Variants in ZFHX3 observed in about 807,000 individuals in gnomAD.
ZFHX3 encodes zinc finger homeobox 3.
ZFHX3 carries 42 observed loss-of-function variants against 279.1 expected under a neutral mutation model. The observed-to-expected ratio is 0.15, with a 90% CI of 0.12 to 0.19. The LOEUF (loss-of-function observed/expected upper bound fraction) is 0.19, where lower values mean the gene tolerates loss of function less well. Ranked by LOEUF, ZFHX3 falls within the 10% of genes least tolerant of loss-of-function variation. The pLI is 1.00. For synonymous variants in ZFHX3, 2,293 were observed against 1,957.8 expected, an observed-to-expected ratio of 1.17 and a Z score of -4.52; for missense variants, 4,981 against 4,754.0, an observed-to-expected ratio of 1.05 and a Z score of -1.40.
chr16:73,863,265 G>A lies in ZFHX3; in HGVS notation c.-1608+28386C>T, dbSNP rs560547849. On this transcript the variant is annotated intron_variant, in intron 1 of 17. Transcript: ENST00000641206. ...AGTAGAAGCAGTCCCTAGAGGAATG[G>A]GGTATTGAAAGTGAAGCTTTAATAG... Among the ~76,000 whole-genome samples, 217 of 152,226 alleles carry A rather than the reference G, an allele frequency of 1.4e-3. 1 individual carries two copies. Among genetic ancestry groups the A allele is most frequent in the Non-Finnish European group, 2.7e-3 (183 of 67,998 alleles).
At chr16:73,849,892 C>A (rs951476646) in intron 1 of ZFHX3, among the ~76,000 whole-genome samples, 3 of 152,148 alleles carry the variant, frequency 2.0e-5, no homozygotes, top group Non-Finnish European at 4.4e-5. Flanking sequence ...GCCACCATGC[C>A]CGGCTAATTT....
chr16:72,973,114 G>A (rs145236036), intron 1 of ZFHX3, among the ~76,000 whole-genome samples: 134 of 152,258 alleles, frequency 8.8e-4, no homozygotes, highest in African/African-American at 2.7e-3. Context: ...CATACTTTCA[G>A]AAGACCAGAA....
At chr16:73,644,372 G>C (rs1322358578) in intron 2 of ZFHX3, among the ~76,000 whole-genome samples, 2 of 152,002 alleles carry the variant, frequency 1.3e-5, no homozygotes, top group African/African-American at 4.8e-5. Flanking sequence ...GAAAGCAGCA[G>C]TTTCCAGCTG....
intron 5 of ZFHX3, among the ~76,000 whole-genome samples, chr16:73,240,998 G>A (rs977993576): frequency 3.9e-5 from 6 of 152,204 alleles, no homozygotes; most frequent in African/African-American, 1.4e-4. Flanking sequence ...CTCACCAGAA[G>A]TTGTCTAACT....
intron 2 of ZFHX3, among the ~76,000 whole-genome samples, chr16:73,527,314 A>G (rs1597370224): frequency 7.2e-5 from 11 of 152,214 alleles, no homozygotes; most frequent in Admixed American, 7.2e-4. Flanking sequence ...TTTACCTTGC[A>G]TTCTGTCAAA....
chr16:73,764,586 A>C (rs1352123045), intron 1 of ZFHX3, among the ~76,000 whole-genome samples: 1 of 152,176 alleles, frequency 6.6e-6, no homozygotes, highest in Non-Finnish European at 1.5e-5. Context: ...CAGCCAATAC[A>C]AAAGGGAATG....
intron 3 of ZFHX3, among the ~76,000 whole-genome samples, chr16:73,428,061 T>C (rs2017843478): frequency 6.6e-6 from 1 of 152,056 alleles, no homozygotes. Flanking sequence ...ACACACATAT[T>C]ATTTGGGAGG....
In ZFHX3 at chr16:73,193,538, A is replaced by C. The variant is rs144041879; in HGVS notation, c.-1103-49707T>G. On this transcript the variant is annotated intron_variant, in intron 5 of 17. Transcript: ENST00000641206. ...CCTGAATTTCCAGTATCCTGGGGGT[A>C]AGGACTGGAGTGAAGCAAGTTAAGG... Among the ~76,000 whole-genome samples the C allele has an allele frequency of 9.2e-5, 14 of 152,298 alleles. No homozygotes were observed. In the East Asian group the frequency reaches 2.5e-3, roughly 27 times the overall value.
At chr16:73,384,017 G>T (rs1050061141) in intron 3 of ZFHX3, among the ~76,000 whole-genome samples, 1 of 152,168 alleles carries the variant, frequency 6.6e-6, no homozygotes, top group African/African-American at 2.4e-5. Context: ...AGAAAGAAAT[G>T]AATGAATGAG....
At chr16:73,140,108 A>C (rs1966843326) in intron 6 of ZFHX3, among the ~76,000 whole-genome samples, 1 of 152,006 alleles carries the variant, frequency 6.6e-6, no homozygotes, top group South Asian at 2.1e-4. Flanking sequence ...CTCTACAAAT[A>C]ATTTGAAAAT....
At chr16:73,549,581 T>C (rs902449760) in intron 2 of ZFHX3, among the ~76,000 whole-genome samples, 3 of 152,196 alleles carry the variant, frequency 2.0e-5, no homozygotes, top group Non-Finnish European at 4.4e-5. Flanking sequence ...TTCTAAAGAT[T>C]TCTCACATCA....
At chr16:73,660,580 G>T (rs970440060) in intron 2 of ZFHX3, among the ~76,000 whole-genome samples, 2 of 152,158 alleles carry the variant, frequency 1.3e-5, no homozygotes, top group East Asian at 3.9e-4. Context: ...AGGGAAAAAG[G>T]AGAAACTGAA....
chr16:73,231,059 G>T (rs1020507786), intron 5 of ZFHX3, among the ~76,000 whole-genome samples: 1 of 152,176 alleles, frequency 6.6e-6, no homozygotes, highest in Non-Finnish European at 1.5e-5. Flanking sequence ...TTGCAAAAAC[G>T]GAGTGAATGG....
chr16:73,597,557 G>A (rs915716138), intron 2 of ZFHX3, among the ~76,000 whole-genome samples: 14 of 152,204 alleles, frequency 9.2e-5, no homozygotes, highest in African/African-American at 3.4e-4. Flanking sequence ...TAGATACAAT[G>A]ACTGGCATCT....
rs1597144993 is a variant in ZFHX3 at position 73,064,772 on chromosome 16, A to G, written c.-532-5760T>C. Among the ~76,000 whole-genome samples the G allele has an allele frequency of 2.6e-5, 4 of 152,344 alleles. 1 individual carries two copies. The highest frequency in any genetic ancestry group is 2.6e-4 in the Admixed American group (4 of 15,302). On this transcript the variant is annotated intron_variant, in intron 8 of 17. Transcript: ENST00000641206. Reference sequence around the variant, plus strand: ...TAGTCAGTTCCAGGGTTTGAGTCAGATTCCCAGTTTCCTCAGCTTCTTTGC... The same window carrying G: ...TAGTCAGTTCCAGGGTTTGAGTCAGGTTCCCAGTTTCCTCAGCTTCTTTGC...
chr16:73,044,493 G>A (rs1304267140), intron 1 of ZFHX3, among the ~76,000 whole-genome samples: 2 of 152,210 alleles, frequency 1.3e-5, no homozygotes, highest in South Asian at 4.1e-4. Flanking sequence ...GTGAGGGTGA[G>A]ATGGAGTTTA....
At chr16:72,854,211 C>CTT (rs2037692454) in intron 4 of ZFHX3, among the ~76,000 whole-genome samples, 2 of 152,284 alleles carry the variant, frequency 1.3e-5, no homozygotes, top group Admixed American at 1.3e-4. Context: ...TCTCTCCCTC[C>CTT]CCTGCCTGCT....
At chr16:73,772,467 A>T (rs1248164223) in intron 1 of ZFHX3, among the ~76,000 whole-genome samples, 3 of 152,192 alleles carry the variant, frequency 2.0e-5, no homozygotes, top group Non-Finnish European at 4.4e-5. Context: ...ACCTCCCACC[A>T]GGTAGCTCCC....
rs1002506963 is a variant in ZFHX3, at chr16:73,193,620, G to T, written c.-1103-49789C>A. Among the ~76,000 whole-genome samples the T allele has an allele frequency of 2.0e-5, 3 of 152,132 alleles. No homozygotes were observed. In the South Asian group the frequency reaches 6.2e-4, roughly 31 times the overall value. On this transcript the variant is annotated intron_variant, in intron 5 of 17. Transcript: ENST00000641206. Reference sequence around the variant, plus strand: ...ACAGTTCCTTAGACCCTCAGTTCTGGTTTGTTTTGAAAGGGGACAACCCCT... The same window carrying T: ...ACAGTTCCTTAGACCCTCAGTTCTGTTTTGTTTTGAAAGGGGACAACCCCT...
Sources: allele counts gnomAD v4.1 joint callset (sites outside exome capture counted in the v4.1 genomes callset), GRCh38; gene constraint gnomAD v4.1.1; transcripts MANE v1.5; gene names NCBI Gene and HGNC (gene_info 2026-07-23, HGNC 2026-07-21).